Variants in BAZ2B observed in about 807,000 individuals in gnomAD.
The protein encoded by BAZ2B is bromodomain adjacent to zinc finger domain 2B.
Under a neutral mutation model 246.0 loss-of-function variants are expected in BAZ2B, and 91 were observed. The ratio of observed to expected loss-of-function variants is 0.37; its 90% CI spans 0.31 to 0.44. BAZ2B has a LOEUF of 0.44. Among genes scored for constraint, BAZ2B ranks in the 20% least tolerant of loss-of-function variants. BAZ2B has a pLI of 1.00. For missense variants in BAZ2B, 2,332 were observed against 2,533.7 expected, an observed-to-expected ratio of 0.92 and a Z score of 1.71; for synonymous variants, 855 against 860.0, an observed-to-expected ratio of 0.99 and a Z score of 0.10.
At chr2:159,422,292 T>A (rs1354030743) in intron 13 of BAZ2B, among the ~76,000 whole-genome samples, 1 of 152,166 alleles carries the variant, frequency 6.6e-6, no homozygotes, top group African/African-American at 2.4e-5. Flanking sequence ...CAAAGCAATC[T>A]AAGCTAAAAG....
intron 3 of BAZ2B, among the ~76,000 whole-genome samples, chr2:159,469,426 T>A (rs187216660): frequency 5.5e-4 from 84 of 152,140 alleles, no homozygotes; most frequent in Non-Finnish European, 9.3e-4. Flanking sequence ...CTACATTTTT[T>A]ACTTATTTTA....
intron 34 of BAZ2B, among the ~76,000 whole-genome samples, chr2:159,331,290 A>G (rs564738135): frequency 4.3e-4 from 65 of 152,220 alleles, no homozygotes; most frequent in Non-Finnish European, 9.1e-4. Flanking sequence ...TTGAATGACA[A>G]TAAGTTGAGA....
the BAZ2B span, among the ~76,000 whole-genome samples, chr2:159,674,327 T>C: frequency 9.8e-4 from 103 of 105,202 alleles, no homozygotes; most frequent in African/African-American, 3.7e-3. Context: ...GAAGTGAGAC[T>C]CTGTCTCAGA....
chr2:159,540,895 G>A (rs13420426), intron 2 of BAZ2B, among the ~76,000 whole-genome samples: 3,968 of 152,222 alleles, frequency 0.026, 174 homozygotes, highest in African/African-American at 0.09. Flanking sequence ...TGTTTACTGA[G>A]AAGCAACAAG....
intron 20 of BAZ2B, among the ~76,000 whole-genome samples, chr2:159,392,387 A>AGTACTTTCAGACTT (rs2063452268): frequency 6.6e-6 from 1 of 151,980 alleles, no homozygotes; most frequent in African/African-American, 2.4e-5. Context: ...TACTTCAGAC[A>AGTACTTTCAGACTT]TGGTAGTACT....
chr2:159,416,294 T>C (rs2067696678), intron 13 of BAZ2B, among the ~76,000 whole-genome samples: 1 of 152,146 alleles, frequency 6.6e-6, no homozygotes, highest in South Asian at 2.1e-4. Flanking sequence ...CCAAATAAAG[T>C]CAATAGGAAC....
chr2:159,707,771 T>C, the BAZ2B span, among the ~76,000 whole-genome samples: 1,306 of 151,348 alleles, frequency 8.6e-3, 12 homozygotes, highest in Middle Eastern at 0.024. Flanking sequence ...AGGTTGCAGT[T>C]AGCGGAGATC....
chr2:159,602,671 A>T (rs1021826515), intron 1 of BAZ2B, among the ~76,000 whole-genome samples: 1 of 152,164 alleles, frequency 6.6e-6, no homozygotes, highest in African/African-American at 2.4e-5. Flanking sequence ...AGACACTACA[A>T]ATCAAGGCTC....
intron 3 of BAZ2B, chr2:159,460,321 C>G (rs1218237360): frequency 1.3e-5 from 2 of 152,032 alleles, no homozygotes; most frequent in African/African-American, 2.4e-5. Flanking sequence ...TGAACAAAAT[C>G]TCCCATCACT....
chr2:159,339,123 T>C (rs977622715), intron 31 of BAZ2B, among the ~76,000 whole-genome samples: 3 of 152,138 alleles, frequency 2.0e-5, no homozygotes, highest in Admixed American at 1.3e-4. Context: ...TTTAACTCAG[T>C]AGAATATTTA....
intron 2 of BAZ2B, among the ~76,000 whole-genome samples, chr2:159,507,343 C>A (rs1277206560): frequency 6.6e-6 from 1 of 151,904 alleles, no homozygotes; most frequent in Non-Finnish European, 1.5e-5. Context: ...AGTTAGGCTT[C>A]AAACAACTAC....
chr2:159,588,940 G>C (rs1205904738), intron 1 of BAZ2B, among the ~76,000 whole-genome samples: 2 of 152,112 alleles, frequency 1.3e-5, no homozygotes, highest in Admixed American at 1.3e-4. Context: ...TAAGCAAAAA[G>C]ACTAAAGGCA....
chr2:159,471,327 C>A (rs1461536329), intron 3 of BAZ2B, among the ~76,000 whole-genome samples: 12 of 152,102 alleles, frequency 7.9e-5, no homozygotes, highest in Admixed American at 5.2e-4. Flanking sequence ...GGGGGCCAGG[C>A]GCAGTGGCTC....
chr2:159,505,274 C>T (rs1038274290), intron 2 of BAZ2B, among the ~76,000 whole-genome samples: 9 of 152,248 alleles, frequency 5.9e-5, no homozygotes, highest in South Asian at 2.1e-4. Context: ...ACTTCATAAA[C>T]AAGTTTACCA....
chr2:159,685,060 T>C, the BAZ2B span, among the ~76,000 whole-genome samples: 2 of 152,202 alleles, frequency 1.3e-5, no homozygotes, highest in African/African-American at 4.8e-5. Context: ...CTATGCCTTT[T>C]TATGTATGCA....
chr2:159,504,149 T>G (rs2082097526), intron 2 of BAZ2B, among the ~76,000 whole-genome samples: 1 of 151,920 alleles, frequency 6.6e-6, no homozygotes, highest in Admixed American at 6.6e-5. Flanking sequence ...TAATACTTCT[T>G]TATTTTATTT....
At chr2:159,461,119 T>C (rs1319113643) in intron 3 of BAZ2B, 2 of 152,162 alleles carry the variant, frequency 1.3e-5, no homozygotes, top group Admixed American at 6.6e-5. Context: ...AAAACAGAAC[T>C]GAAGCACAAA....
the BAZ2B span, among the ~76,000 whole-genome samples, chr2:159,642,806 T>G: frequency 6.6e-6 from 1 of 152,216 alleles, no homozygotes; most frequent in African/African-American, 2.4e-5. Flanking sequence ...ATGTTCACCT[T>G]TTCTAAGCCT....
At chr2:159,603,091 C>T (rs1162700731) in intron 1 of BAZ2B, among the ~76,000 whole-genome samples, 2 of 152,258 alleles carry the variant, frequency 1.3e-5, no homozygotes, top group East Asian at 1.9e-4. Flanking sequence ...GAGCCGAGAT[C>T]GCACCACTGC....
Sources: allele counts gnomAD v4.1 joint callset (sites outside exome capture counted in the v4.1 genomes callset), GRCh38; gene constraint gnomAD v4.1.1; transcripts MANE v1.5; gene names NCBI Gene and HGNC (gene_info 2026-07-23, HGNC 2026-07-21).